Variants in PLXNA2 observed in about 807,000 individuals in gnomAD.
PLXNA2 encodes the protein plexin-A2.
A neutral mutation model predicts 193.5 loss-of-function variants in PLXNA2; 91 were observed. The ratio of observed to expected loss-of-function variants is 0.47; its 90% CI spans 0.40 to 0.56. The LOEUF (loss-of-function observed/expected upper bound fraction) is 0.56, where lower values mean the gene tolerates loss of function less well. Among genes scored for constraint, PLXNA2 ranks in the 20% least tolerant of loss-of-function variants. PLXNA2 has a pLI of 0.00. For synonymous variants in PLXNA2, 997 were observed against 1,027.3 expected (o/e 0.97, Z 0.56); for missense variants, 1,995 against 2,503.2 (o/e 0.80, Z 4.33).
intron 3 of PLXNA2, among the ~76,000 whole-genome samples, chr1:208,167,649 T>C (rs1669353316): frequency 6.6e-6 from 1 of 152,190 alleles, no homozygotes; most frequent in Non-Finnish European, 1.5e-5. Flanking sequence ...GGACCCCTGG[T>C]GGAAGCTTTT....
chr1:208,138,349 T>C (rs1273206902), intron 4 of PLXNA2, among the ~76,000 whole-genome samples: 3 of 152,222 alleles, frequency 2.0e-5, no homozygotes, highest in Non-Finnish European at 2.9e-5. Context: ...AGATAAGTGT[T>C]CTGAGCATGT....
intron 4 of PLXNA2, among the ~76,000 whole-genome samples, chr1:208,113,844 CTGTGCCCAGCCCCAAA>C (rs1667562695): frequency 6.6e-6 from 1 of 152,142 alleles, no homozygotes; most frequent in Non-Finnish European, 1.5e-5. Context: ...GTGTGAGCCA[CTGTGCCCAGCCCCAAA>C]TGGCCTTTTT....
chr1:208,096,698 C>T (rs373959346), intron 7 of PLXNA2, 32 bp downstream of exon 7: 1 of 1,612,156 alleles, frequency 6.2e-7, no homozygotes, highest in African/African-American at 1.3e-5. Context: ...AGAAGCCCCT[C>T]ATTTGTGGCT....
intron 4 of PLXNA2, among the ~76,000 whole-genome samples, chr1:208,115,400 T>C (rs1251344567): frequency 3.3e-5 from 5 of 152,186 alleles, no homozygotes; most frequent in South Asian, 4.1e-4. Context: ...ATATAAGTTG[T>C]ATAAAAGTTA....
Position 208,216,779 on chromosome 1 carries a change from C to G in PLXNA2, c.1144G>C (p.Glu382Gln). 1 of 1,614,020 alleles carries G rather than the reference C, an allele frequency of 6.2e-7. No individual in the cohort carries two copies. Among genetic ancestry groups the G allele is most frequent in the Non-Finnish European group, 8.5e-7 (1 of 1,180,026 alleles). The change falls in exon 2 of 32, where the codon GAG (glutamate) becomes CAG (glutamine). Residue 382 changes from glutamate to glutamine, a missense_variant. Physicochemically the swap from Glu to Gln is conservative, Grantham distance 29. Around this residue, in one of 3 missense-constraint regions of PLXNA2, gnomAD observed 702 missense variants for 812.9 expected, o/e 0.86. Transcript: ENST00000367033. The part of the protein sequence containing the change: ...QSCYQGEGNL[E>Q]LNWLLGKDVQ... Reference sequence around the variant, plus strand: ...TCCTTCCCCAGCAGCCAGTTGAGCTCCAGGTTGCCCTCGCCCTGGTAGCAG... The same window carrying G: ...TCCTTCCCCAGCAGCCAGTTGAGCTGCAGGTTGCCCTCGCCCTGGTAGCAG...
chr1:208,140,841 C>T (rs776919219), intron 4 of PLXNA2, among the ~76,000 whole-genome samples: 3 of 152,366 alleles, frequency 2.0e-5, no homozygotes, highest in African/African-American at 7.2e-5. Flanking sequence ...CTGTCTCTCT[C>T]TTGTTAGATT....
At chr1:208,097,413 G>A (rs1169152914) in intron 6 of PLXNA2, among the ~76,000 whole-genome samples, 2 of 152,162 alleles carry the variant, frequency 1.3e-5, no homozygotes, top group Non-Finnish European at 2.9e-5. Flanking sequence ...GTTCCCTAGA[G>A]TTTGTGCTTC....
intron 2 of PLXNA2, among the ~76,000 whole-genome samples, chr1:208,211,673 G>A (rs1809004): frequency 0.77 from 114,969 of 148,914 alleles, 45,518 homozygotes; most frequent in East Asian, 0.86. Flanking sequence ...AGCCTGGGCG[G>A]CAGAACGAGA....
intron 13 of PLXNA2, among the ~76,000 whole-genome samples, chr1:208,056,036 T>A (rs993427164): frequency 6.6e-6 from 1 of 152,384 alleles, no homozygotes; most frequent in Admixed American, 6.5e-5. Flanking sequence ...TACACGTAAC[T>A]GTCTCCTGAA....
chr1:208,230,862 A>G (rs1299832110), intron 1 of PLXNA2, among the ~76,000 whole-genome samples: 2 of 152,326 alleles, frequency 1.3e-5, no homozygotes, highest in East Asian at 3.9e-4. Flanking sequence ...AGTAACAGGC[A>G]CGCTCACAAT....
chr1:208,041,376 G>A (rs1458252579), intron 22 of PLXNA2, among the ~76,000 whole-genome samples: 1 of 152,176 alleles, frequency 6.6e-6, no homozygotes, highest in East Asian at 1.9e-4. Context: ...GGGCTCAGGG[G>A]ATACTGAGGT....
chr1:208,144,737 C>A (rs538585468), intron 3 of PLXNA2, among the ~76,000 whole-genome samples: 4 of 152,152 alleles, frequency 2.6e-5, no homozygotes, highest in Admixed American at 6.5e-5. Flanking sequence ...CCCTATGCTC[C>A]GCTCTTGCCC....
intron 4 of PLXNA2, among the ~76,000 whole-genome samples, chr1:208,104,790 A>G (rs910884605): frequency 6.6e-5 from 10 of 152,214 alleles, no homozygotes; most frequent in Non-Finnish European, 1.2e-4. Flanking sequence ...TGACATGATC[A>G]GCTTTAAACA....
chr1:208,112,514 C>T lies in PLXNA2; in HGVS notation c.1507-9267G>A, dbSNP rs965084022. 2.6e-5 allele frequency among the ~76,000 whole-genome samples: 4 copies of T among 152,324 alleles called. No individual in the cohort carries two copies. In the South Asian group the frequency reaches 8.3e-4, roughly 32 times the overall value. The stretch of plus-strand genomic sequence containing the variant: ...TCTGTACATACTGACTTGCACACAG[C>T]TGGTGCTCAATAGTGGTAGTTACCA... On this transcript the variant is annotated intron_variant, in intron 4 of 31. Coordinates refer to ENST00000367033, the MANE Select transcript of PLXNA2 (RefSeq NM_025179.4).
At chr1:208,239,106 C>T (rs139125967) in intron 1 of PLXNA2, among the ~76,000 whole-genome samples, 242 of 151,656 alleles carry the variant, frequency 1.6e-3, no homozygotes, top group Non-Finnish European at 3.0e-3. Context: ...TGGGAAGTGA[C>T]GGCTGGGAGT....
At position 208,217,899 on chromosome 1, in the gene PLXNA2, G is replaced by C; in HGVS notation, c.24C>G (p.Pro8=). ...AGCGGCTGTCCACCTCCAGGGCCCG[G>C]GGCCAGGGCCGCCTCTGTTCCATGC... is the stretch of plus-strand genomic sequence containing the variant. MEQRRPW[P]RALEVDSRSV... Residue 8 remains proline, a synonymous_variant, in exon 2 of 32, where the codon CCC becomes CCG. Coordinates refer to ENST00000367033, the MANE Select transcript of PLXNA2 (RefSeq NM_025179.4). The surrounding 1 kb of genome is among the most constrained non-coding windows in gnomAD (Gnocchi z 4.7). 6.2e-7 allele frequency: 1 copy of C among 1,611,116 alleles called. No homozygotes were observed. Among genetic ancestry groups the C allele is most frequent in the Non-Finnish European group, 8.5e-7 (1 of 1,179,914 alleles).
rs971070732 is a variant in PLXNA2, at chr1:208,027,076, C to A, written c.*167G>T. The A allele has an allele frequency of 1.2e-5, 7 of 596,316 alleles. No individual in the cohort carries two copies. Among genetic ancestry groups the A allele is most frequent in the Non-Finnish European group, 2.0e-5 (7 of 341,926 alleles). The allele number at this position is 596,316 out of a possible 1,614,324, so 36.9% of individuals were successfully genotyped here. ...CTCTCCCAGCTGGAACTGGCTATGA[C>A]GAAACTTGGCTGGCGTAGGGAGAGG... On this transcript the variant is annotated 3_prime_UTR_variant, in exon 32 of 32. Coordinates refer to ENST00000367033, the MANE Select transcript of PLXNA2 (RefSeq NM_025179.4).
chr1:208,073,473 T>C (rs1322870845), intron 12 of PLXNA2, among the ~76,000 whole-genome samples: 1 of 152,144 alleles, frequency 6.6e-6, no homozygotes, highest in Non-Finnish European at 1.5e-5. Context: ...GAGTCACATA[T>C]ACATGTGACA....
chr1:208,185,118 A>G (rs2102553568), intron 3 of PLXNA2, among the ~76,000 whole-genome samples: 1 of 152,078 alleles, frequency 6.6e-6, no homozygotes, highest in East Asian at 1.9e-4. Flanking sequence ...GGGATCAAAG[A>G]CTCCCAGAAA....
Sources: allele counts gnomAD v4.1 joint callset (sites outside exome capture counted in the v4.1 genomes callset), GRCh38; gene constraint gnomAD v4.1.1; regional missense constraint gnomAD v4.1.1; non-coding constraint Gnocchi (gnomAD v3.1); transcripts MANE v1.5; gene names NCBI Gene and HGNC (gene_info 2026-07-23, HGNC 2026-07-21).